Variants in ITPR1 observed in about 807,000 individuals in gnomAD.
ITPR1 encodes inositol 1,4,5-trisphosphate receptor type 1, also known as inositol 1,4,5-trisphosphate-gated calcium channel ITPR1.
Under a neutral mutation model 318.4 loss-of-function variants are expected in ITPR1, and 96 were observed. The ratio of observed to expected loss-of-function variants is 0.30; its 90% CI spans 0.26 to 0.36. ITPR1 has a LOEUF of 0.36. Ranked by LOEUF, ITPR1 falls within the 10% of genes least tolerant of loss-of-function variation. The probability of loss-of-function intolerance (pLI) is 1.00; values close to 1 mark genes in which losing one functional copy is unlikely to be tolerated. For synonymous variants in ITPR1, 1,312 were observed against 1,289.9 expected, an observed-to-expected ratio of 1.02 and a Z score of -0.37; for missense variants, 2,440 against 3,460.2, an observed-to-expected ratio of 0.71 and a Z score of 7.40.
chr3:4,545,871 AT>A (rs958767339), intron 4 of ITPR1, among the ~76,000 whole-genome samples: 1 of 151,612 alleles, frequency 6.6e-6, no homozygotes, highest in Non-Finnish European at 1.5e-5. Context: ...CTAATTTTTA[AT>A]TTTTTGTAGA....
At chr3:4,744,176 C>T (rs917947582) in intron 44 of ITPR1, among the ~76,000 whole-genome samples, 1 of 152,182 alleles carries the variant, frequency 6.6e-6, no homozygotes, top group African/African-American at 2.4e-5. Context: ...GAGAGAACCT[C>T]AGGTTTTCCA....
intron 4 of ITPR1, among the ~76,000 whole-genome samples, chr3:4,569,429 C>T (rs905918391): frequency 6.6e-6 from 1 of 152,202 alleles, no homozygotes; most frequent in East Asian, 1.9e-4. Context: ...TAAGTCAACT[C>T]ATTTTTATGA....
intron 45 of ITPR1, among the ~76,000 whole-genome samples, chr3:4,767,505 C>G (rs1191236663): frequency 6.6e-6 from 1 of 152,232 alleles, no homozygotes; most frequent in Non-Finnish European, 1.5e-5. Flanking sequence ...GAATCAGGCA[C>G]TGTTCAACGT....
intron 2 of ITPR1, among the ~76,000 whole-genome samples, 180 bp from the exon 3 acceptor site, chr3:4,516,296 A>C (rs867371821): frequency 3.9e-5 from 6 of 152,202 alleles, no homozygotes; most frequent in African/African-American, 1.4e-4. Context: ...ACGGGGAAAA[A>C]GTGTTGTTGC....
chr3:4,580,874 A>C (rs1158942385), intron 4 of ITPR1, among the ~76,000 whole-genome samples: 1 of 152,136 alleles, frequency 6.6e-6, no homozygotes, highest in East Asian at 1.9e-4. Flanking sequence ...TCCGACAGTA[A>C]GAGTAACGTC....
intron 44 of ITPR1, among the ~76,000 whole-genome samples, chr3:4,738,494 C>T (rs2043444862): frequency 6.6e-6 from 1 of 152,154 alleles, no homozygotes; most frequent in African/African-American, 2.4e-5. Flanking sequence ...TCAGAGGCCC[C>T]ATTCGGTTCT....
intron 4 of ITPR1, among the ~76,000 whole-genome samples, chr3:4,546,570 A>G (rs551294287): frequency 4.2e-4 from 64 of 152,250 alleles, no homozygotes; most frequent in African/African-American, 1.5e-3. Flanking sequence ...GTCAGTAGCA[A>G]ATGCATGCTC....
chr3:4,781,831 G>T (rs1212583006), intron 49 of ITPR1, among the ~76,000 whole-genome samples: 1 of 152,086 alleles, frequency 6.6e-6, no homozygotes, highest in Non-Finnish European at 1.5e-5. Flanking sequence ...AAAAAATAAA[G>T]CATTAGCCAG....
At chr3:4,537,605 G>C (rs2083994822) in intron 4 of ITPR1, among the ~76,000 whole-genome samples, 1 of 152,182 alleles carries the variant, frequency 6.6e-6, no homozygotes, top group African/African-American at 2.4e-5. Flanking sequence ...GATCACAAGG[G>C]TCCTTGTAGG....
chr3:4,611,009 C>CT, intron 4 of ITPR1, among the ~76,000 whole-genome samples: 2 of 69,088 alleles, frequency 2.9e-5, no homozygotes, highest in South Asian at 7.6e-4. Context: ...CCCTTCCCTT[C>CT]CCTTCCCCTT....
intron 4 of ITPR1, among the ~76,000 whole-genome samples, chr3:4,541,211 T>C (rs184290272): frequency 1.5e-4 from 23 of 152,374 alleles, no homozygotes; most frequent in Non-Finnish European, 2.8e-4. Context: ...GTATTTACTA[T>C]ACCTATCTTG....
At chr3:4,792,164 C>T (rs892830740) in intron 52 of ITPR1, among the ~76,000 whole-genome samples, 1 of 152,148 alleles carries the variant, frequency 6.6e-6, no homozygotes, top group Non-Finnish European at 1.5e-5. Context: ...CTCACTCTCT[C>T]ACCTACACGG....
At chr3:4,528,956 C>A (rs768743678) in intron 4 of ITPR1, among the ~76,000 whole-genome samples, 1 of 152,218 alleles carries the variant, frequency 6.6e-6, no homozygotes, top group Non-Finnish European at 1.5e-5. Flanking sequence ...CCCTGGGCAA[C>A]ATAGAATGTT....
intron 4 of ITPR1, among the ~76,000 whole-genome samples, chr3:4,624,331 C>T (rs1452007734): frequency 6.6e-6 from 1 of 152,182 alleles, no homozygotes; most frequent in Admixed American, 6.5e-5. Flanking sequence ...GTCATGTGGT[C>T]ATTAAGGAAG....
rs543035670 is a variant in ITPR1, at chr3:4,747,458, C to T, written c.5544+12104C>T. Among the ~76,000 whole-genome samples, 149 of 152,184 alleles carry T rather than the reference C, an allele frequency of 9.8e-4. 3 individuals carry two copies. The highest frequency in any genetic ancestry group is 1.1e-3 in the Non-Finnish European group (75 of 68,022). ...CCAATTTTCCAGGCACAGACATGGC[C>T]GCTTCAAGGACTTTGCGTCTGTTTG... On this transcript the variant is annotated intron_variant, in intron 44 of 61. Transcript: ENST00000649015.
At chr3:4,518,726 G>A (rs1228476859) in intron 3 of ITPR1, among the ~76,000 whole-genome samples, 2 of 152,176 alleles carry the variant, frequency 1.3e-5, no homozygotes, top group African/African-American at 2.4e-5. Flanking sequence ...GTGTGTGTGT[G>A]TGCACACTAC....
intron 2 of ITPR1, among the ~76,000 whole-genome samples, chr3:4,498,598 C>T (rs928985111): frequency 3.9e-5 from 6 of 152,176 alleles, no homozygotes; most frequent in African/African-American, 1.4e-4. Flanking sequence ...TCTGAAGAGA[C>T]TCTGGTAAGG....
At chr3:4,798,107 T>C (rs908734994) in intron 53 of ITPR1, among the ~76,000 whole-genome samples, 2 of 152,224 alleles carry the variant, frequency 1.3e-5, no homozygotes, top group Non-Finnish European at 2.9e-5. Context: ...GTCACATTGA[T>C]GATACTGAGA....
intron 44 of ITPR1, among the ~76,000 whole-genome samples, chr3:4,743,413 C>A (rs1395774457): frequency 6.6e-6 from 1 of 152,240 alleles, no homozygotes; most frequent in Non-Finnish European, 1.5e-5. Flanking sequence ...CCCTGGTCAT[C>A]CTTAGCGCAG....
Sources: allele counts gnomAD v4.1 joint callset (sites outside exome capture counted in the v4.1 genomes callset), GRCh38; gene constraint gnomAD v4.1.1; transcripts MANE v1.5; gene names NCBI Gene and HGNC (gene_info 2026-07-23, HGNC 2026-07-21).